SERPINI2: variants seen among roughly 807,000 people sequenced by gnomAD.
The protein encoded by SERPINI2 is serpin family I member 2.
In SERPINI2, 48 loss-of-function variants were observed where a neutral mutation model predicts 47.3. The ratio of observed to expected loss-of-function variants is 1.02; its 90% CI spans 0.81 to 1.29. The LOEUF (loss-of-function observed/expected upper bound fraction) is 1.29, where lower values mean the gene tolerates loss of function less well. Ranked by LOEUF, SERPINI2 falls within the 50% of genes most tolerant of loss-of-function variation. SERPINI2 has a pLI of 0.00. For synonymous variants in SERPINI2, 135 were observed against 149.3 expected (o/e 0.90, Z 0.70); for missense variants, 448 against 456.9 (o/e 0.98, Z 0.18).
At chr3:167,442,303 T>C (rs767759908) in intron 8 of SERPINI2, 118 bp from the exon 9 acceptor site, 53 of 642,628 alleles carry the variant, frequency 8.2e-5, no homozygotes, top group Admixed American at 1.7e-4. Flanking sequence ...GTAAGATAAA[T>C]AGGCAGTGTC....
chr3:167,452,786 T>C (rs962164961), intron 6 of SERPINI2, 150 bp downstream of exon 6: 3 of 477,686 alleles, frequency 6.3e-6, no homozygotes, highest in Non-Finnish European at 1.1e-5. Context: ...AAAGTGCTTG[T>C]TTACAGACAG....
chr3:167,457,915 C>A (rs1749847671), intron 5 of SERPINI2, among the ~76,000 whole-genome samples: 1 of 152,034 alleles, frequency 6.6e-6, no homozygotes, highest in South Asian at 2.1e-4. Context: ...AAAATAGGAA[C>A]CGTTGGCAGG....
At chr3:167,461,766 G>A (rs865964805) in intron 5 of SERPINI2, among the ~76,000 whole-genome samples, 3 of 151,840 alleles carry the variant, frequency 2.0e-5, no homozygotes, top group Non-Finnish European at 4.4e-5. Flanking sequence ...ACACACCACC[G>A]TGTCCAACTA....
intron 8 of SERPINI2, 37 bp downstream of exon 8, chr3:167,446,355 A>G: frequency 1.4e-6 from 2 of 1,394,920 alleles, no homozygotes; most frequent in African/African-American, 1.4e-5. Flanking sequence ...TCTGCTTAAC[A>G]TAATCAGTTC....
At chr3:167,465,935 T>C (rs1750122076) in intron 3 of SERPINI2, among the ~76,000 whole-genome samples, 1 of 152,172 alleles carries the variant, frequency 6.6e-6, no homozygotes, top group Admixed American at 6.6e-5. Flanking sequence ...GACTCTCCAA[T>C]AAGATCATTT....
chr3:167,475,089 A>T (rs1750448977), upstream of SERPINI2, among the ~76,000 whole-genome samples: 6 of 151,872 alleles, frequency 4.0e-5, no homozygotes, highest in South Asian at 1.2e-3. Context: ...GCCATAATCT[A>T]CTAATTAACT....
chr3:167,465,369 G>C (rs1348195775), exon 5 of SERPINI2: 1 of 1,606,612 alleles, frequency 6.2e-7, no homozygotes, highest in Admixed American at 1.7e-5. Context: ...TCTAAAACTT[G>C]GTAGTTCAGG....
chr3:167,451,536 A>G (rs1156958394), intron 6 of SERPINI2, among the ~76,000 whole-genome samples: 1 of 152,238 alleles, frequency 6.6e-6, no homozygotes, highest in Non-Finnish European at 1.5e-5. Context: ...AGGCAATAAG[A>G]CGGAACCAAA....
intron 7 of SERPINI2, among the ~76,000 whole-genome samples, chr3:167,448,974 T>C (rs1218062854): frequency 6.6e-6 from 1 of 152,198 alleles, no homozygotes; most frequent in Non-Finnish European, 1.5e-5. Context: ...TACAATTACG[T>C]AAGGGTGAGC....
chr3:167,452,727 A>G (rs1457835820), intron 6 of SERPINI2, among the ~76,000 whole-genome samples: 6 of 152,226 alleles, frequency 3.9e-5, no homozygotes, highest in Non-Finnish European at 2.9e-5. Flanking sequence ...TGCTTATCTA[A>G]CATTCTAAAA....
chr3:167,454,093 C>G (rs962787737), intron 5 of SERPINI2, among the ~76,000 whole-genome samples: 2 of 152,136 alleles, frequency 1.3e-5, no homozygotes, highest in African/African-American at 4.8e-5. Flanking sequence ...CCCTGTGCTC[C>G]CCAGTTAGAA....
upstream of SERPINI2, among the ~76,000 whole-genome samples, chr3:167,475,561 C>T (rs1474915480): frequency 1.3e-5 from 2 of 151,750 alleles, no homozygotes; most frequent in Non-Finnish European, 3.0e-5. Flanking sequence ...TTTCCTGTCT[C>T]TTGAGGAGTA....
At chr3:167,446,198 T>C (rs993479419) in intron 8 of SERPINI2, among the ~76,000 whole-genome samples, 194 bp downstream of exon 8, 1 of 152,204 alleles carries the variant, frequency 6.6e-6, no homozygotes, top group African/African-American at 2.4e-5. Flanking sequence ...GTAGCCATGA[T>C]GGCAGCCATT....
intron 7 of SERPINI2, among the ~76,000 whole-genome samples, chr3:167,447,714 A>G (rs950908640): frequency 6.6e-6 from 1 of 152,216 alleles, no homozygotes; most frequent in African/African-American, 2.4e-5. Flanking sequence ...ACAATAATCT[A>G]TAAGGACTCT....
intron 5 of SERPINI2, among the ~76,000 whole-genome samples, chr3:167,457,765 G>A (rs1275756677): frequency 6.6e-6 from 1 of 152,220 alleles, no homozygotes; most frequent in Non-Finnish European, 1.5e-5. Context: ...TAATATAACT[G>A]CTATGCAGAA....
chr3:167,468,836 CA>C (rs1750227441), intron 2 of SERPINI2, among the ~76,000 whole-genome samples: 1 of 151,830 alleles, frequency 6.6e-6, no homozygotes, highest in African/African-American at 2.4e-5. Flanking sequence ...AGAGCTTTTC[CA>C]AAAGAATTAA....
At chr3:167,467,279 T>A in exon 3 of SERPINI2, 4 of 1,605,434 alleles carry the variant, frequency 2.5e-6, no homozygotes, top group Non-Finnish European at 3.4e-6. Context: ...TACAAAAAAT[T>A]CTTCCCCTAG....
intron 5 of SERPINI2, among the ~76,000 whole-genome samples, chr3:167,463,031 C>A (rs1199306922): frequency 6.6e-6 from 1 of 152,042 alleles, no homozygotes; most frequent in Admixed American, 6.6e-5. Flanking sequence ...CAATAAGTAT[C>A]ATTATCCACA....
chr3:167,449,523 C>G (rs1749585313), intron 6 of SERPINI2, 121 bp from the exon 7 acceptor site: 1 of 442,212 alleles, frequency 2.3e-6, no homozygotes, highest in South Asian at 3.6e-5. Flanking sequence ...GAGATGGAGT[C>G]TTGCTCTGTC....
Sources: gnomAD v4.1 joint callset for allele counts (sites outside exome capture counted in the v4.1 genomes callset) on GRCh38, gnomAD v4.1.1 for gene constraint, MANE v1.5 for transcripts, NCBI Gene and HGNC (gene_info 2026-07-23, HGNC 2026-07-21) for gene names.